Variants in ICAM1 observed in about 807,000 individuals in gnomAD.
The protein encoded by ICAM1 is ICAM-1.
In ICAM1, 28 loss-of-function variants were observed where a neutral mutation model predicts 42.3. That is an observed-to-expected ratio of 0.66 (90% CI 0.49 to 0.91). The LOEUF is 0.91. Among genes scored for constraint, ICAM1 ranks in the 40% least tolerant of loss-of-function variants. ICAM1 has a pLI of 0.00. For synonymous variants in ICAM1, 304 were observed against 305.9 expected, an observed-to-expected ratio of 0.99 and a Z score of 0.07; for missense variants, 637 against 688.6, an observed-to-expected ratio of 0.93 and a Z score of 0.84.
Position 10,274,877 on chromosome 19 carries a change from A to G in ICAM1, c.180A>G (p.Ile60Met). The change falls in exon 2 of 7, where the codon ATA becomes ATG. Residue 60 changes from isoleucine to methionine, a missense_variant. Coordinates refer to ENST00000264832, the MANE Select transcript of ICAM1 (RefSeq NM_000201.3). ...GTGACCAGCCCAAGTTGTTGGGCAT[A>G]GAGACCCCGTTGCCTAAAAAGGAGT... ...TSCDQPKLLG[I>M]ETPLPKKELL... The G allele has an allele frequency of 6.2e-7, 1 of 1,614,232 alleles. No homozygotes were observed. Among genetic ancestry groups the G allele is most frequent in the East Asian group, 2.2e-5 (1 of 44,888 alleles).
rs771494333 is a variant in ICAM1, at chr19:10,284,742, G to T, written c.1181-41G>T. On this transcript the variant is annotated intron_variant, in intron 5 of 6. Coordinates refer to ENST00000264832, the MANE Select transcript of ICAM1 (RefSeq NM_000201.3). The surrounding 1 kb of genome is among the most constrained non-coding windows in gnomAD (Gnocchi z 5.4). ...CCATAAGGTCTTGCCTCCAAGTCCT[G>T]CCCCCACCCACCTCCATGTCATCTC... 1.2e-6 allele frequency: 2 copies of T among 1,606,786 alleles called. No individual in the cohort carries two copies. The highest frequency in any genetic ancestry group is 2.7e-5 in the African/African-American group (2 of 74,208).
At chr19:10,274,052 C>A (rs1348617865) in intron 1 of ICAM1, among the ~76,000 whole-genome samples, 1 of 151,990 alleles carries the variant, frequency 6.6e-6, no homozygotes, top group Non-Finnish European at 1.5e-5. Context: ...TTTAGCATGG[C>A]CTTCAGTGCT....
At chr19:10,278,556 TTTTTTTTTTTTTTTTC>T (rs1362639127) in intron 2 of ICAM1, among the ~76,000 whole-genome samples, 2 of 89,262 alleles carry the variant, frequency 2.2e-5, no homozygotes, top group South Asian at 4.5e-4. Context: ...GTCTTTTTTT[TTTTTTTTTTTTTTTTC>T]TTTTTTTTGA....
rs752847261 is a variant in ICAM1, at chr19:10,284,679, T to C, written c.1180+22T>C. ...CTGTGTGAGTGGGGCTGCTGGTCAA[T>C]GGCCCCTATCCCCCAAGGCCCAATC... On this transcript the variant is annotated intron_variant, in intron 5 of 6. Coordinates refer to ENST00000264832, the MANE Select transcript of ICAM1 (RefSeq NM_000201.3). The surrounding 1 kb of genome is among the most constrained non-coding windows in gnomAD (Gnocchi z 5.4). 2.5e-6 allele frequency: 4 copies of C among 1,613,494 alleles called. No individual in the cohort carries two copies. The highest frequency in any genetic ancestry group is 1.1e-5 in the South Asian group (1 of 91,058).
chr19:10,276,436 T>C (rs911412187), intron 2 of ICAM1, among the ~76,000 whole-genome samples: 15 of 147,196 alleles, frequency 1.0e-4, no homozygotes, highest in Non-Finnish European at 2.1e-4. Context: ...TCCCAGCTAC[T>C]CAGGAGGCTG....
Position 10,281,095 on chromosome 19 carries a change from G to A in ICAM1, c.332-2386G>A, listed in dbSNP as rs185855646. ...TCACCGTGTTAGCCAGGATGGTCTT[G>A]ATCTCCTGACCTCGTGATCCGCCCG... On this transcript the variant is annotated intron_variant, in intron 2 of 6. Transcript: ENST00000264832. 4.3e-3 allele frequency among the ~76,000 whole-genome samples: 641 copies of A among 150,758 alleles called. 6 individuals are homozygous for A. The East Asian group carries it at 0.043, about 10-fold the overall frequency.
At position 10,283,771 on chromosome 19, in the gene ICAM1, CA is replaced by C; in HGVS notation, c.623del (p.Gln208ArgfsTer20). ...ELFENTSAPY[Q>X]LQTFVLPATP... ...GTTTGAGAACACCTCGGCCCCCTAC[CA>C]GCTCCAGACCTTTGGTGAGGATTGA... On this transcript the variant is annotated frameshift_variant, in exon 3 of 7. Coordinates refer to ENST00000264832, the MANE Select transcript of ICAM1 (RefSeq NM_000201.3). LOFTEE classifies it high-confidence loss of function. 6.2e-7 allele frequency: 1 copy of C among 1,606,414 alleles called. No individual in the cohort carries two copies. The highest frequency in any genetic ancestry group is 8.5e-7 in the Non-Finnish European group (1 of 1,176,102).
Position 10,278,688 on chromosome 19 carries a change from C to G in ICAM1, c.331+3660C>G, listed in dbSNP as rs2040034372. Among the ~76,000 whole-genome samples, 3 of 150,978 alleles carry G rather than the reference C, an allele frequency of 2.0e-5. No individual in the cohort carries two copies. In the Admixed American group the frequency reaches 2.0e-4, roughly 10 times the overall value. On this transcript the variant is annotated intron_variant, in intron 2 of 6. Transcript: ENST00000264832. ...TCTCCAGTAGCTGGGATTACAGGCA[C>G]CTGGCACCACGCCTGGCTAATTTTT...
chr19:10,284,583 TCTC>T lies in ICAM1; in HGVS notation c.1109_1111del (p.Ser370del), dbSNP rs2040088271. 6.2e-7 allele frequency: 1 copy of T among 1,613,956 alleles called. No homozygotes were observed. The highest frequency in any genetic ancestry group is 1.3e-5 in the African/African-American group (1 of 74,876). ...ACCCCAGAGGACAACGGGCGCAGCT[TCTC>T]CTGCTCTGCAACCCTGGAGGTGGCC... On this transcript the variant is annotated inframe_deletion, in exon 5 of 7. Transcript: ENST00000264832. The surrounding 1 kb of genome is among the most constrained non-coding windows in gnomAD (Gnocchi z 5.4).
Position 10,284,657 on chromosome 19 carries a change from T to G in ICAM1, c.1180T>G (p.Tyr394Asp). The change falls in exon 5 of 7, where the codon TAT (tyrosine) becomes GAT (aspartate). Residue 394 changes from tyrosine to aspartate, a missense_variant and splice_region_variant. Physicochemically the swap from Tyr to Asp is radical, Grantham distance 160. Coordinates refer to ENST00000264832, the MANE Select transcript of ICAM1 (RefSeq NM_000201.3). The surrounding 1 kb of genome is among the most constrained non-coding windows in gnomAD (Gnocchi z 5.4). Reference protein sequence around the residue: ...KNQTRELRVLYGPRLDERDCP... With the variant: ...KNQTRELRVLDGPRLDERDCP... ...CCAGACCCGGGAGCTTCGTGTCCTG[T>G]GTGAGTGGGGCTGCTGGTCAATGGC... The G allele has an allele frequency of 6.2e-7, 1 of 1,613,818 alleles. No homozygotes were observed. Among genetic ancestry groups the G allele is most frequent in the Non-Finnish European group, 8.5e-7 (1 of 1,179,784 alleles).
intron 2 of ICAM1, among the ~76,000 whole-genome samples, chr19:10,280,166 A>G (rs2040045830): frequency 6.6e-6 from 1 of 152,206 alleles, no homozygotes; most frequent in Non-Finnish European, 1.5e-5. Context: ...GTCAGGGTCA[A>G]GAAGAGGTGA....
Position 10,271,207 on chromosome 19 carries a change from G to T in ICAM1, c.48G>T (p.Leu16=). ...CCGCGCTGCCCGCACTCCTGGTCCT[G>T]CTCGGGGCTCTGTTCCCAGGTGAGT... ...PRPALPALLV[L]LGALFPGPGN... Residue 16 remains leucine, a synonymous_variant, in exon 1 of 7, where the codon CTG becomes CTT. Coordinates refer to ENST00000264832, the MANE Select transcript of ICAM1 (RefSeq NM_000201.3). 6.2e-7 allele frequency: 1 copy of T among 1,613,382 alleles called. No homozygotes were observed. Among genetic ancestry groups the T allele is most frequent in the Non-Finnish European group, 8.5e-7 (1 of 1,179,816 alleles).
intron 3 of ICAM1, 104 bp downstream of exon 3, chr19:10,283,890 G>C: frequency 1.4e-6 from 2 of 1,440,534 alleles, no homozygotes; most frequent in Middle Eastern, 3.7e-4. Flanking sequence ...CCCCGGCTAA[G>C]GGGTGCATGT....
chr19:10,285,667 GACTT>G lies in ICAM1; in HGVS notation c.*383_*386del, dbSNP rs1303873988. The G allele has an allele frequency of 2.0e-5, 4 of 203,646 alleles. No individual in the cohort carries two copies. In the East Asian group the frequency reaches 5.0e-4, roughly 25 times the overall value. 12.6% of individuals were successfully genotyped at this position (203,646 alleles called of 1,614,324 possible). On this transcript the variant is annotated 3_prime_UTR_variant, in exon 7 of 7. Coordinates refer to ENST00000264832, the MANE Select transcript of ICAM1 (RefSeq NM_000201.3). ...CTATTGGGTATGCTGAGGCCCCACA[GACTT>G]ACAGAAGAAGTGGCCCTCCATAGAC...
At position 10,283,659 on chromosome 19, in the gene ICAM1, G is replaced by C. The variant is rs774458697; in HGVS notation, c.510G>C (p.Thr170=). The C allele has an allele frequency of 1.2e-6, 2 of 1,613,866 alleles. No individual in the cohort carries two copies. Among genetic ancestry groups the C allele is most frequent in the Non-Finnish European group, 1.7e-6 (2 of 1,179,908 alleles). Residue 170 remains threonine (T), a synonymous_variant, in exon 3 of 7, where the codon ACG becomes ACC. Coordinates refer to ENST00000264832, the MANE Select transcript of ICAM1 (RefSeq NM_000201.3). ...CTGTGGGGGAGCCCGCTGAGGTCAC[G>C]ACCACGGTGCTGGTGAGGAGAGATC... ...EPAVGEPAEV[T]TTVLVRRDHH...
chr19:10,283,855 AC>A (rs2040081151), intron 3 of ICAM1, 69 bp downstream of exon 3: 1 of 1,498,098 alleles, frequency 6.7e-7, no homozygotes, highest in Admixed American at 2.0e-5. Context: ...GCCTGTGGCC[AC>A]AGGATCTTTT....
intron 6 of ICAM1, 39 bp from the exon 7 acceptor site, chr19:10,285,076 C>A: frequency 1.2e-6 from 2 of 1,613,736 alleles, no homozygotes; most frequent in Non-Finnish European, 1.7e-6. Flanking sequence ...GGCCATGGAC[C>A]TAATGCAATC....
At position 10,285,009 on chromosome 19, in the gene ICAM1, G is replaced by A. The variant is rs1181314242; in HGVS notation, c.1407G>A (p.Lys469=). 1 of 1,613,800 alleles carries A rather than the reference G, an allele frequency of 6.2e-7. No homozygotes were observed. The highest frequency in any genetic ancestry group is 8.5e-7 in the Non-Finnish European group (1 of 1,179,948). ...ARSTQGEVTR[K]VTVNVLSPRY... ...GCACTCAAGGGGAGGTCACCCGCAA[G>A]GTGACCGTGAATGTGCTCTGTGAGT... The change falls in exon 6 of 7, where the codon AAG becomes AAA. Residue 469 remains lysine (K), a synonymous_variant. Coordinates refer to ENST00000264832, the MANE Select transcript of ICAM1 (RefSeq NM_000201.3).
chr19:10,272,560 C>CTTTTTT (rs1174775027), intron 1 of ICAM1, among the ~76,000 whole-genome samples: 173 of 56,084 alleles, frequency 3.1e-3, no homozygotes, highest in African/African-American at 4.1e-3. Flanking sequence ...CTTTTCTTTT[C>CTTTTTT]TTTTTTTTTT....
Sources: allele counts gnomAD v4.1 joint callset (sites outside exome capture counted in the v4.1 genomes callset), GRCh38; gene constraint gnomAD v4.1.1; non-coding constraint Gnocchi (gnomAD v3.1); transcripts MANE v1.5; gene names NCBI Gene and HGNC (gene_info 2026-07-23, HGNC 2026-07-21).